Variants in MRM2 observed in about 807,000 individuals in gnomAD.
The protein encoded by MRM2 is rRNA methyltransferase 2, mitochondrial.
MRM2 carries 15 observed loss-of-function variants against 10.9 expected under a neutral mutation model. That is an observed-to-expected ratio of 1.37 (90% CI 0.92 to 2.11). MRM2 has a LOEUF of 2.11. Ranked by LOEUF, MRM2 falls within the 30% of genes most tolerant of loss-of-function variation. The pLI, the probability that MRM2 is intolerant of heterozygous loss-of-function variation, is 0.00. For missense variants in MRM2, 328 were observed against 321.3 expected (o/e 1.02, Z -0.16); for synonymous variants, 139 against 128.7 (o/e 1.08, Z -0.54).
At chr7:2,239,015 ATATATATATAT>A (rs1211419834) in intron 2 of MRM2, 16,439 of 75,204 alleles carry the variant, frequency 0.22, 2,139 homozygotes, top group Middle Eastern at 0.3. Flanking sequence ...ATATATATAT[ATATATATATAT>A]ATAATACATA....
intron 2 of MRM2, among the ~76,000 whole-genome samples, chr7:2,236,623 G>A (rs150976770): frequency 2.6e-5 from 4 of 152,316 alleles, no homozygotes; most frequent in African/African-American, 9.6e-5. Context: ...AGACTGAGGG[G>A]TTTCGCCTTT....
chr7:2,242,110 G>T, intron 1 of MRM2, 52 bp downstream of exon 1: 1 of 1,572,674 alleles, frequency 6.4e-7, no homozygotes, highest in Non-Finnish European at 8.6e-7. Context: ...CGACCGGGCG[G>T]ACCCCCAACC....
chr7:2,239,619 G>C lies in MRM2; in HGVS notation c.97C>G (p.Leu33Val). The C allele has an allele frequency of 6.2e-7, 1 of 1,614,110 alleles. No homozygotes were observed. Among genetic ancestry groups the C allele is most frequent in the Non-Finnish European group, 8.5e-7 (1 of 1,180,030 alleles). Reference sequence around the variant, plus strand: ...TCCCTGAGATGTCGGGTCAGCCACAGGTGCTCAGCGCCTGTCCGATTCTTG... The same window carrying C: ...TCCCTGAGATGTCGGGTCAGCCACACGTGCTCAGCGCCTGTCCGATTCTTG... ...RCKNRTGAEH[L>V]WLTRHLRDPF... Residue 33 changes from leucine (L) to valine (V), a missense_variant, in exon 2 of 3, where the codon CTG becomes GTG. Leu to Val is a conservative substitution (Grantham distance 32). Transcript: ENST00000242257.
intron 1 of MRM2, 167 bp downstream of exon 1, chr7:2,241,995 G>C: frequency 8.7e-6 from 6 of 687,118 alleles, no homozygotes; most frequent in Non-Finnish European, 1.3e-5. Context: ...CCTCCTCCCG[G>C]GGAACTGCGA....
In MRM2 at chr7:2,235,153, T is replaced by C. The variant is rs1438033237; in HGVS notation, c.710A>G (p.Tyr237Cys). Reference sequence around the variant, plus strand: ...CTTCACAGTGCCCTTCCTTCCGTGGTACTGTGTGGCCAAGAAGTACACTTC... The same window carrying C: ...CTTCACAGTGCCCTTCCTTCCGTGGCACTGTGTGGCCAAGAAGTACACTTC... ...SSEVYFLATQYHGRKGTVKQ is the reference protein window; with the variant it reads ...SSEVYFLATQCHGRKGTVKQ Residue 237 changes from tyrosine (Y) to cysteine (C), a missense_variant, in exon 3 of 3, where the codon TAC becomes TGC. Tyr to Cys is a radical substitution (Grantham distance 194). Coordinates refer to ENST00000242257, the MANE Select transcript of MRM2 (RefSeq NM_013393.3). 4 of 1,613,788 alleles carry C rather than the reference T, an allele frequency of 2.5e-6. No homozygotes were observed. Among genetic ancestry groups the C allele is most frequent in the South Asian group, 1.1e-5 (1 of 91,084 alleles).
At position 2,239,715 on chromosome 7, in the gene MRM2, G is replaced by C. The variant is rs1794487701; in HGVS notation, c.9-8C>G. Reference sequence around the variant, plus strand: ...CACACCAGCTTCAAGTACCTGGTGGGAGAGAAGAGGAGCAGGCAGGTTGGC... The same window carrying C: ...CACACCAGCTTCAAGTACCTGGTGGCAGAGAAGAGGAGCAGGCAGGTTGGC... On this transcript the variant is annotated splice_region_variant and splice_polypyrimidine_tract_variant and intron_variant, in intron 1 of 2. Transcript: ENST00000242257. The C allele has an allele frequency of 6.2e-7, 1 of 1,608,002 alleles. No individual in the cohort carries two copies. Among genetic ancestry groups the C allele is most frequent in the Non-Finnish European group, 8.5e-7 (1 of 1,175,450 alleles).
intron 1 of MRM2, among the ~76,000 whole-genome samples, chr7:2,241,803 C>T (rs1794548110): frequency 6.6e-6 from 1 of 152,228 alleles, no homozygotes; most frequent in Admixed American, 6.5e-5. Context: ...GGCCAGGGCC[C>T]ACTCGACAGC....
At chr7:2,242,074 A>C in intron 1 of MRM2, 88 bp downstream of exon 1, 1 of 1,396,012 alleles carries the variant, frequency 7.2e-7, no homozygotes, top group Non-Finnish European at 9.8e-7. Context: ...CTCGGCACCC[A>C]GCCCCGAGGC....
At position 2,239,500 on chromosome 7, in the gene MRM2, G is replaced by A. The variant is rs149945416; in HGVS notation, c.216C>T (p.Pro72=). The A allele has an allele frequency of 1.2e-5, 20 of 1,613,944 alleles. No individual in the cohort carries two copies. The highest frequency in any genetic ancestry group is 5.0e-5 in the Admixed American group (3 of 60,022). ...CCCCACAGTCTAACACCCGAAGGCC[G>A]GGCCGCAGAATCTGGTGCCTCTCGT... The part of the protein sequence containing the change: ...EVNERHQILR[P]GLRVLDCGAA... Residue 72 remains proline, a synonymous_variant, in exon 2 of 3, where the codon CCC becomes CCT. Transcript: ENST00000242257.
At position 2,235,448 on chromosome 7, in the gene MRM2, TTC is replaced by T. The variant is rs763701643; in HGVS notation, c.413_414del (p.Arg138AsnfsTer30). The T allele has an allele frequency of 3.7e-6, 6 of 1,613,254 alleles. No individual in the cohort carries two copies. The highest frequency in any genetic ancestry group is 1.3e-5 in the African/African-American group (1 of 74,884). ...ADVTDPRTSQRILEVLPGRRA... is the reference protein window; with the variant it reads ...ADVTDPRTSQXILEVLPGRRA... ...CTCCTGCCAGGAAGCACCTCGAGGA[TTC>T]TCTGTGAGGTTCTCGGGTCAGTCAC... On this transcript the variant is annotated frameshift_variant, in exon 3 of 3. Transcript: ENST00000242257. LOFTEE classifies it low-confidence loss of function (END_TRUNC).
intron 2 of MRM2, among the ~76,000 whole-genome samples, chr7:2,237,588 A>G (rs769005505): frequency 5.3e-5 from 8 of 152,226 alleles, no homozygotes; most frequent in Non-Finnish European, 1.2e-4. Flanking sequence ...AAAGGAACTG[A>G]CATTTCCAAC....
At position 2,234,969 on chromosome 7, in the gene MRM2, A is replaced by AAG; in HGVS notation, c.*151_*152dup. The AAG allele has an allele frequency of 1.6e-6, 1 of 627,270 alleles. No homozygotes were observed. Among genetic ancestry groups the AAG allele is most frequent in the Non-Finnish European group, 2.8e-6 (1 of 359,230 alleles). The allele number at this position is 627,270 out of a possible 1,614,324, so 38.9% of individuals were successfully genotyped here. On this transcript the variant is annotated 3_prime_UTR_variant, in exon 3 of 3. Coordinates refer to ENST00000242257, the MANE Select transcript of MRM2 (RefSeq NM_013393.3). ...GTTTTGTCATCTCTTTTTGGTTAAA[A>AAG]AGAGAGAGAGAGAAAGAGAGAGAGA...
At chr7:2,240,797 C>G (rs1173020918) in intron 1 of MRM2, among the ~76,000 whole-genome samples, 1 of 151,950 alleles carries the variant, frequency 6.6e-6, no homozygotes, top group Non-Finnish European at 1.5e-5. Context: ...CGGGTTCAAG[C>G]AATTCTCCTG....
chr7:2,242,113 C>G, intron 1 of MRM2, 49 bp downstream of exon 1: 1 of 1,577,344 alleles, frequency 6.3e-7, no homozygotes, highest in Non-Finnish European at 8.6e-7. Flanking sequence ...CCGGGCGGAC[C>G]CCCAACCACT....
intron 1 of MRM2, 123 bp from the exon 2 acceptor site, chr7:2,239,830 G>A (rs1451895023): frequency 1.2e-6 from 1 of 848,702 alleles, no homozygotes; most frequent in East Asian, 2.5e-5. Context: ...CAGGAGGGGA[G>A]GTGAACTGAT....
At chr7:2,241,557 CTT>C (rs1794539986) in intron 1 of MRM2, among the ~76,000 whole-genome samples, 2 of 152,232 alleles carry the variant, frequency 1.3e-5, no homozygotes, top group South Asian at 4.1e-4. Flanking sequence ...CTGCCTCAGA[CTT>C]CCAAAGTGCT....
chr7:2,240,082 C>T (rs1415274858), intron 1 of MRM2, among the ~76,000 whole-genome samples: 18 of 152,012 alleles, frequency 1.2e-4, no homozygotes, highest in Non-Finnish European at 1.5e-5. Context: ...ATTAGCCTGG[C>T]GTGGTGGCAG....
At chr7:2,237,499 C>A (rs1794438544) in intron 2 of MRM2, among the ~76,000 whole-genome samples, 1 of 152,208 alleles carries the variant, frequency 6.6e-6, no homozygotes, top group African/African-American at 2.4e-5. Flanking sequence ...CCTGCTTCAT[C>A]TCAAGAGCAC....
In MRM2 at chr7:2,239,496, G is replaced by A; in HGVS notation, c.220C>T (p.Leu74Phe). 6.2e-7 allele frequency: 1 copy of A among 1,613,934 alleles called. No homozygotes were observed. Among genetic ancestry groups the A allele is most frequent in the Non-Finnish European group, 8.5e-7 (1 of 1,180,014 alleles). ...NERHQILRPG[L>F]RVLDCGAAPG... Reference sequence around the variant, plus strand: ...GCTGCCCCACAGTCTAACACCCGAAGGCCGGGCCGCAGAATCTGGTGCCTC... The same window carrying A: ...GCTGCCCCACAGTCTAACACCCGAAAGCCGGGCCGCAGAATCTGGTGCCTC... Residue 74 changes from leucine (L) to phenylalanine (F), a missense_variant, in exon 2 of 3, where the codon CTT (leucine) becomes TTT (phenylalanine). Transcript: ENST00000242257.
Sources: allele counts gnomAD v4.1 joint callset (sites outside exome capture counted in the v4.1 genomes callset), GRCh38; gene constraint gnomAD v4.1.1; transcripts MANE v1.5; gene names NCBI Gene and HGNC (gene_info 2026-07-23, HGNC 2026-07-21).